COLGALT2: variants seen among roughly 807,000 people sequenced by gnomAD.
COLGALT2 encodes the protein collagen beta(1-O)galactosyltransferase 2.
Under a neutral mutation model 73.4 loss-of-function variants are expected in COLGALT2, and 49 were observed. The ratio of observed to expected loss-of-function variants is 0.67; its 90% confidence interval spans 0.53 to 0.85. COLGALT2 has a LOEUF of 0.85. Ranked by LOEUF, COLGALT2 falls within the 40% of genes least tolerant of loss-of-function variation. The pLI is 0.00. For synonymous variants in COLGALT2, 295 were observed against 307.6 expected, an observed-to-expected ratio of 0.96 and a Z score of 0.43; for missense variants, 722 against 790.2, an observed-to-expected ratio of 0.91 and a Z score of 1.03.
intron 1 of COLGALT2, among the ~76,000 whole-genome samples, chr1:184,014,639 A>G (rs1473627975): frequency 6.6e-6 from 1 of 152,242 alleles, no homozygotes; most frequent in African/African-American, 2.4e-5. Flanking sequence ...ATCAACAAGT[A>G]ATAAATAAAT....
intron 1 of COLGALT2, among the ~76,000 whole-genome samples, chr1:183,994,486 G>A (rs1671718121): frequency 6.6e-6 from 1 of 151,956 alleles, no homozygotes; most frequent in Non-Finnish European, 1.5e-5. Context: ...ACAGAGTCTT[G>A]CTCTGTCACC....
At position 183,937,294 on chromosome 1, in the gene COLGALT2, A is replaced by C; in HGVS notation, c.*1467T>G. On this transcript the variant is annotated 3_prime_UTR_variant, in exon 12 of 12. Transcript: ENST00000361927. Reference sequence around the variant, plus strand: ...GGGATGCCTGGGAGGGTTTTTCTGGAGACAAAAATTTACAGATTGAGGGCA... The same window carrying C: ...GGGATGCCTGGGAGGGTTTTTCTGGCGACAAAAATTTACAGATTGAGGGCA... 9.0e-7 allele frequency: 1 copy of C among 1,113,056 alleles called. No individual in the cohort carries two copies. The highest frequency in any genetic ancestry group is 1.1e-6 in the Non-Finnish European group (1 of 913,174). The allele number at this position is 1,113,056 out of a possible 1,614,324, so 68.9% of individuals were successfully genotyped here. A position where few individuals can be genotyped will look rare whatever the true frequency, so the allele number is the denominator to read the frequency against.
rs990622183 is a variant in COLGALT2 at position 183,938,350 on chromosome 1, A to G, written c.*411T>C. 2.0e-6 allele frequency: 2 copies of G among 1,015,290 alleles called. No homozygotes were observed. Among genetic ancestry groups the G allele is most frequent in the South Asian group, 4.1e-5 (1 of 24,186 alleles). The allele number at this position is 1,015,290 out of a possible 1,614,324, so 62.9% of individuals were successfully genotyped here. A position where few individuals can be genotyped will look rare whatever the true frequency, so the allele number is the denominator to read the frequency against. ...CATATAAAACGGACAAACTAGACCA[A>G]TAAGTGTGGTCTAGTTGGCCTGGCT... is the stretch of plus-strand genomic sequence containing the variant. On this transcript the variant is annotated 3_prime_UTR_variant, in exon 12 of 12. Transcript: ENST00000361927.
chr1:183,940,536 A>C, intron 11 of COLGALT2, 45 bp downstream of exon 11: 5 of 1,532,186 alleles, frequency 3.3e-6, no homozygotes, highest in Non-Finnish European at 4.5e-6. Flanking sequence ...ATAATTCATG[A>C]AGAGGCTGTG....
chr1:184,024,382 T>C (rs187127472), intron 1 of COLGALT2, among the ~76,000 whole-genome samples: 3 of 151,510 alleles, frequency 2.0e-5, no homozygotes, highest in East Asian at 3.9e-4. Context: ...TGACAGAGTG[T>C]TACTCTGTCG....
At chr1:184,025,223 C>A (rs1382842215) in intron 1 of COLGALT2, among the ~76,000 whole-genome samples, 1 of 152,224 alleles carries the variant, frequency 6.6e-6, no homozygotes, top group Non-Finnish European at 1.5e-5. Flanking sequence ...GCATTGCTGC[C>A]ATCTGATGCC....
At position 183,940,606 on chromosome 1, in the gene COLGALT2, G is replaced by A. The variant is rs1054749589; in HGVS notation, c.1579C>T (p.Pro527Ser). ...GKMLPVDEFLPVMYNKHPVAE... is the reference protein window; with the variant it reads ...GKMLPVDEFLSVMYNKHPVAE... ...ACGGGATGCTTGTTGTACATGACTGGCAGAAACTCATCCACTGGCAGCATC... is the reference window on the plus strand; with the variant it reads ...ACGGGATGCTTGTTGTACATGACTGACAGAAACTCATCCACTGGCAGCATC... Residue 527 changes from proline (P) to serine (S), a missense_variant, in exon 11 of 12, where the codon CCA becomes TCA. By Grantham distance (74) the Pro-to-Ser change is moderately conservative (BLOSUM62 -1). Coordinates refer to ENST00000361927, the MANE Select transcript of COLGALT2 (RefSeq NM_015101.4). 6.2e-7 allele frequency: 1 copy of A among 1,614,082 alleles called. No individual in the cohort carries two copies. The highest frequency in any genetic ancestry group is 1.3e-5 in the African/African-American group (1 of 74,932).
At chr1:184,009,978 T>A (rs1672189704) in intron 1 of COLGALT2, among the ~76,000 whole-genome samples, 2 of 152,310 alleles carry the variant, frequency 1.3e-5, no homozygotes, top group Non-Finnish European at 1.5e-5. Context: ...CAGTTATGAC[T>A]ATGTCCATGC....
intron 4 of COLGALT2, among the ~76,000 whole-genome samples, chr1:183,969,945 C>G (rs1033625209): frequency 3.9e-5 from 6 of 152,154 alleles, no homozygotes; most frequent in African/African-American, 1.2e-4. Context: ...CTATCTACTC[C>G]ATGGGGTTAG....
At chr1:183,947,765 AG>A (rs1394788431) in intron 8 of COLGALT2, among the ~76,000 whole-genome samples, 1 of 152,192 alleles carries the variant, frequency 6.6e-6, no homozygotes, top group Non-Finnish European at 1.5e-5. Context: ...AATGAACTAG[AG>A]AATAGAAAAA....
intron 1 of COLGALT2, among the ~76,000 whole-genome samples, chr1:184,004,710 G>T (rs963013158): frequency 1.3e-5 from 2 of 152,130 alleles, no homozygotes; most frequent in African/African-American, 4.8e-5. Context: ...TGGTAATTTT[G>T]TAGAAAAATT....
intron 7 of COLGALT2, 35 bp downstream of exon 7, chr1:183,954,723 ACGCG>A: frequency 1.4e-6 from 2 of 1,476,010 alleles, no homozygotes; most frequent in Non-Finnish European, 1.9e-6. Flanking sequence ...AAGCCTGCAC[ACGCG>A]TGCATGTGCA....
rs1306560500 is a variant in COLGALT2, at chr1:183,937,121, G to C, written c.*1640C>G. The C allele has an allele frequency of 2.4e-6, 3 of 1,229,932 alleles. No homozygotes were observed. In the African/African-American group the frequency reaches 4.7e-5, roughly 19 times the overall value. The allele number at this position is 1,229,932 out of a possible 1,614,324, so 76.2% of individuals were successfully genotyped here. ...AGTGTATCTTACACTCGTACACTAA[G>C]CTTGTGTATGTAGCACCACCCGCCT... On this transcript the variant is annotated 3_prime_UTR_variant, in exon 12 of 12. Transcript: ENST00000361927.
chr1:183,973,585 T>A (rs770682932), intron 4 of COLGALT2, 31 bp downstream of exon 4: 1 of 1,613,078 alleles, frequency 6.2e-7, no homozygotes, highest in Admixed American at 1.7e-5. Context: ...TTAAAACTAG[T>A]AGCCTTAATT....
intron 1 of COLGALT2, among the ~76,000 whole-genome samples, chr1:183,985,905 G>A (rs1264381209): frequency 1.3e-5 from 2 of 152,170 alleles, no homozygotes; most frequent in Non-Finnish European, 2.9e-5. Context: ...CCTCTCAGAT[G>A]CTTCTTGTTT....
At chr1:184,016,765 A>G (rs549304647) in intron 1 of COLGALT2, among the ~76,000 whole-genome samples, 18 of 152,348 alleles carry the variant, frequency 1.2e-4, no homozygotes, top group African/African-American at 4.3e-4. Flanking sequence ...AATATTTTTA[A>G]AAGCTGAGTA....
chr1:183,930,039 A>G (rs1166511757), exon 12 of COLGALT2: 2 of 331,148 alleles, frequency 6.0e-6, no homozygotes, highest in Admixed American at 3.9e-5. Flanking sequence ...AAGAGAACTC[A>G]CAAACTGTTC....
At chr1:183,964,114 A>G in intron 5 of COLGALT2, 94 bp from the exon 6 acceptor site, 1 of 1,331,960 alleles carries the variant, frequency 7.5e-7, no homozygotes, top group Non-Finnish European at 1.0e-6. Flanking sequence ...TCTGATGCTG[A>G]GTTTGACACT....
At chr1:184,016,483 G>C (rs1649003041) in intron 1 of COLGALT2, among the ~76,000 whole-genome samples, 1 of 152,176 alleles carries the variant, frequency 6.6e-6, no homozygotes. Flanking sequence ...GGTGTGTGAG[G>C]TAATAAAAAG....
Sources: allele counts gnomAD v4.1 joint callset (sites outside exome capture counted in the v4.1 genomes callset), GRCh38; gene constraint gnomAD v4.1.1; transcripts MANE v1.5; gene names NCBI Gene and HGNC (gene_info 2026-07-23, HGNC 2026-07-21).